Variants in CERT1 observed in about 807,000 individuals in gnomAD.
CERT1 encodes ceramide transfer protein.
A neutral mutation model predicts 87.9 loss-of-function variants in CERT1; 31 were observed. That is an observed-to-expected ratio of 0.35 (90% CI 0.27 to 0.48). CERT1 has a LOEUF of 0.48. Among genes scored for constraint, CERT1 ranks in the 20% least tolerant of loss-of-function variants. The pLI is 0.99. For synonymous variants in CERT1, 289 were observed against 250.9 expected, an observed-to-expected ratio of 1.15 and a Z score of -1.44; for missense variants, 487 against 758.0, an observed-to-expected ratio of 0.64 and a Z score of 4.20.
In CERT1 at chr5:75,393,602, TAAAAA is replaced by T. The variant is rs60898983; in HGVS notation, c.1189-3920_1189-3916del. On this transcript the variant is annotated intron_variant, in intron 11 of 16. Coordinates refer to ENST00000643780, the MANE Select transcript of CERT1 (RefSeq NM_001379029.1). Reference sequence around the variant, plus strand: ...GCAACATAGCAAGACCTCATCTACTTAAAAAAAAAAAAAAAAAAAAAGAAAGTCTA... The same window carrying T: ...GCAACATAGCAAGACCTCATCTACTTAAAAAAAAAAAAAAAAGAAAGTCTA... Among the ~76,000 whole-genome samples, 173 of 32,750 alleles carry T rather than the reference TAAAAA, an allele frequency of 5.3e-3. 10 individuals carry two copies. The highest frequency in any genetic ancestry group is 0.013 in the African/African-American group (139 of 10,444). The allele number at this position is 32,750 out of a possible 152,430, so 21.5% of individuals were successfully genotyped here.
chr5:75,429,858 AG>A lies in CERT1; in HGVS notation c.349-3381del, dbSNP rs202235791. Among the ~76,000 whole-genome samples, 14 of 147,266 alleles carry A rather than the reference AG, an allele frequency of 9.5e-5. No homozygotes were observed. The East Asian group carries it at 1.4e-3, about 15-fold the overall frequency. Reference sequence around the variant, plus strand: ...AAGAAAAAATGAAAAAAAAAAAAAAAGCAAGGGTAAAAAGAATAGTAGAGAT... The same window carrying A: ...AAGAAAAAATGAAAAAAAAAAAAAAACAAGGGTAAAAAGAATAGTAGAGAT... On this transcript the variant is annotated intron_variant, in intron 3 of 16. Coordinates refer to ENST00000643780, the MANE Select transcript of CERT1 (RefSeq NM_001379029.1).
intron 1 of CERT1, among the ~76,000 whole-genome samples, chr5:75,510,332 C>T (rs1767879233): frequency 6.6e-6 from 1 of 152,104 alleles, no homozygotes. Flanking sequence ...AAGAGATCAT[C>T]CACCTGCAGT....
intron 3 of CERT1, among the ~76,000 whole-genome samples, chr5:75,441,543 T>G (rs751515856): frequency 1.4e-4 from 21 of 152,196 alleles, no homozygotes; most frequent in Non-Finnish European, 4.4e-5. Context: ...CTTACAAAAC[T>G]GAAACTCTAT....
At chr5:75,388,706 G>T (rs1218861898) in intron 12 of CERT1, among the ~76,000 whole-genome samples, 1 of 148,418 alleles carries the variant, frequency 6.7e-6, no homozygotes, top group Non-Finnish European at 1.5e-5. Flanking sequence ...GCTCATTGCA[G>T]CCTTGACCTC....
At chr5:75,400,092 A>G (rs1358784500) in intron 10 of CERT1, 113 bp downstream of exon 10, 6 of 753,458 alleles carry the variant, frequency 8.0e-6, no homozygotes, top group Non-Finnish European at 1.3e-5. Flanking sequence ...AGATCGCGCC[A>G]CTGCACTCCA....
chr5:75,383,530 T>A (rs907866655), intron 14 of CERT1, among the ~76,000 whole-genome samples: 2 of 152,162 alleles, frequency 1.3e-5, no homozygotes, highest in African/African-American at 4.8e-5. Context: ...AGATTTCAAA[T>A]TAGACTTCAA....
chr5:75,508,516 G>GT (rs1331254043), intron 1 of CERT1, among the ~76,000 whole-genome samples: 1 of 152,112 alleles, frequency 6.6e-6, no homozygotes, highest in Non-Finnish European at 1.5e-5. Flanking sequence ...AGTATTAGCT[G>GT]TATCATGACA....
chr5:75,388,305 T>A (rs150200774), intron 12 of CERT1, among the ~76,000 whole-genome samples: 2 of 152,274 alleles, frequency 1.3e-5, no homozygotes, highest in African/African-American at 4.8e-5. Flanking sequence ...GCATCTAATA[T>A]TATATCTTAT....
chr5:75,392,191 A>T (rs1762051167), intron 11 of CERT1, among the ~76,000 whole-genome samples: 2 of 152,190 alleles, frequency 1.3e-5, no homozygotes, highest in Non-Finnish European at 2.9e-5. Context: ...CACATTTAAC[A>T]TTGTCTTTCT....
chr5:75,457,970 T>TGTGTGTGTG (rs1554042560), intron 3 of CERT1, among the ~76,000 whole-genome samples: 4,380 of 150,418 alleles, frequency 0.029, 207 homozygotes, highest in African/African-American at 0.1. Context: ...TGTGTGTGTG[T>TGTGTGTGTG]GTGTGTGTGT....
chr5:75,381,042 A>G, intron 16 of CERT1, 30 bp downstream of exon 16: 1 of 1,610,832 alleles, frequency 6.2e-7, no homozygotes, highest in Non-Finnish European at 8.5e-7. Context: ...CAGCCACATT[A>G]TCAAAGAGCA....
At chr5:75,418,935 T>C (rs985529827) in intron 6 of CERT1, among the ~76,000 whole-genome samples, 1 of 152,240 alleles carries the variant, frequency 6.6e-6, no homozygotes, top group Non-Finnish European at 1.5e-5. Context: ...TATCAAATTA[T>C]ACACTTTAAA....
chr5:75,425,493 G>T lies in CERT1; in HGVS notation c.463C>A (p.His155Asn). Residue 155 changes from histidine (H) to asparagine (N), a missense_variant, in exon 5 of 17, where the codon CAC becomes AAC. Physicochemically the swap from His to Asn is moderately conservative, Grantham distance 68. Around this residue, in one of 8 missense-constraint regions of CERT1, gnomAD observed 173 missense variants for 302.2 expected, o/e 0.57. Coordinates refer to ENST00000643780, the MANE Select transcript of CERT1 (RefSeq NM_001379029.1). ...TCAGCCAACTTCTCACGTAAACTGT[G>T]GCCTTTCTGCAAAACATAAAATAGG... ...ATSTSSFKKGHSLREKLAEME... is the reference protein window; with the variant it reads ...ATSTSSFKKGNSLREKLAEME... 1 of 1,612,266 alleles carries T rather than the reference G, an allele frequency of 6.2e-7. No homozygotes were observed.
intron 9 of CERT1, 121 bp downstream of exon 9, chr5:75,402,851 T>G (rs1762553419): frequency 1.7e-6 from 1 of 604,522 alleles, no homozygotes; most frequent in Middle Eastern, 3.9e-4. Context: ...TATTCACAGT[T>G]AAGCTTCTAG....
chr5:75,376,525 C>T (rs1247064354), downstream of CERT1: 1 of 152,144 alleles, frequency 6.6e-6, no homozygotes, highest in Non-Finnish European at 1.5e-5. Context: ...CTGTCACGTG[C>T]CATCAGTTTT....
intron 8 of CERT1, among the ~76,000 whole-genome samples, chr5:75,404,909 A>C (rs766083756): frequency 3.8e-4 from 58 of 152,190 alleles, no homozygotes; most frequent in Admixed American, 1.6e-3. Flanking sequence ...CAGGAGGAGG[A>C]GGCACAATAA....
chr5:75,455,383 G>C (rs1377810276), intron 3 of CERT1, among the ~76,000 whole-genome samples: 3 of 152,150 alleles, frequency 2.0e-5, no homozygotes, highest in Non-Finnish European at 4.4e-5. Flanking sequence ...CCGAAGCACA[G>C]ATTTTTATGC....
intron 16 of CERT1, among the ~76,000 whole-genome samples, chr5:75,380,581 G>A (rs1426085962): frequency 6.6e-6 from 1 of 152,004 alleles, no homozygotes; most frequent in Non-Finnish European, 1.5e-5. Flanking sequence ...GAGGTCAGGA[G>A]TTCAAGACCA....
intron 3 of CERT1, among the ~76,000 whole-genome samples, chr5:75,458,252 G>T (rs1420543367): frequency 3.3e-5 from 5 of 151,954 alleles, no homozygotes; most frequent in African/African-American, 1.2e-4. Context: ...TAAATTATAT[G>T]AATGTACCTT....
Sources: gnomAD v4.1 joint callset for allele counts (sites outside exome capture counted in the v4.1 genomes callset) on GRCh38, gnomAD v4.1.1 for gene constraint, gnomAD v4.1.1 regional missense constraint, MANE v1.5 for transcripts, NCBI Gene and HGNC (gene_info 2026-07-23, HGNC 2026-07-21) for gene names.